OR1D2: variants seen among roughly 807,000 people sequenced by gnomAD.
The protein encoded by OR1D2 is olfactory receptor 1D2.
For missense variants in OR1D2, 357 were observed against 376.1 expected, an observed-to-expected ratio of 0.95 and a Z score of 0.42; for synonymous variants, 157 against 153.9, an observed-to-expected ratio of 1.02 and a Z score of -0.15.
intron 1 of OR1D2, among the ~76,000 whole-genome samples, chr17:3,102,686 C>G (rs1197573161): frequency 6.6e-6 from 1 of 152,080 alleles, no homozygotes. Flanking sequence ...GGATGGAGGA[C>G]AGCAATAATG....
chr17:3,093,738 CA>C (rs1166721474), intron 1 of OR1D2, among the ~76,000 whole-genome samples: 5 of 152,128 alleles, frequency 3.3e-5, no homozygotes, highest in Non-Finnish European at 7.4e-5. Flanking sequence ...CCACTGTCAA[CA>C]AATAAATCAT....
intron 1 of OR1D2, among the ~76,000 whole-genome samples, chr17:3,101,777 T>C (rs1239436032): frequency 1.3e-5 from 2 of 152,150 alleles, no homozygotes; most frequent in African/African-American, 4.8e-5. Context: ...CCCCATCATT[T>C]CCACCCCAAA....
chr17:3,101,320 C>T (rs1203090774), intron 1 of OR1D2, among the ~76,000 whole-genome samples: 1 of 152,122 alleles, frequency 6.6e-6, no homozygotes, highest in Non-Finnish European at 1.5e-5. Context: ...AAAGCTTATC[C>T]ACCACGATTA....
At position 3,099,752 on chromosome 17, in the gene OR1D2, C is replaced by A. The variant is rs1453612356; in HGVS notation, c.-51+4347G>T. Among the ~76,000 whole-genome samples the A allele has an allele frequency of 2.6e-5, 4 of 152,116 alleles. 1 individual carries two copies. The highest frequency in any genetic ancestry group is 9.7e-5 in the African/African-American group (4 of 41,410). On this transcript the variant is annotated intron_variant, in intron 1 of 1. Transcript: ENST00000641833. ...CCAATTTGGATAAAGAGTCAAGACC[C>A]ATCAGAGTGCTGTATTCAGGAGACC...
chr17:3,093,073 A>G (rs2047825968), intron 1 of OR1D2, 27 bp from the exon 2 acceptor site: 3 of 1,313,840 alleles, frequency 2.3e-6, no homozygotes, highest in Non-Finnish European at 3.2e-6. Flanking sequence ...CATGAAGATA[A>G]GCAAAATCAA....
intron 1 of OR1D2, among the ~76,000 whole-genome samples, chr17:3,100,846 C>T (rs1177773847): frequency 1.3e-5 from 2 of 152,034 alleles, no homozygotes; most frequent in East Asian, 1.9e-4. Context: ...GGGATATCAC[C>T]ACTTATCCAC....
chr17:3,098,375 G>A (rs148655408), intron 1 of OR1D2, among the ~76,000 whole-genome samples: 24 of 152,184 alleles, frequency 1.6e-4, no homozygotes, highest in African/African-American at 5.5e-4. Context: ...GCACAGCAGC[G>A]AACCAGATGA....
At chr17:3,093,995 T>G (rs984371557) in intron 1 of OR1D2, among the ~76,000 whole-genome samples, 1 of 152,134 alleles carries the variant, frequency 6.6e-6, no homozygotes, top group African/African-American at 2.4e-5. Context: ...AGAAAAACAT[T>G]GAATAAAAGA....
At chr17:3,098,406 C>G (rs2047857479) in intron 1 of OR1D2, among the ~76,000 whole-genome samples, 1 of 152,054 alleles carries the variant, frequency 6.6e-6, no homozygotes, top group Admixed American at 6.6e-5. Context: ...TAATGAGCCC[C>G]CAGGCCTACT....
Position 3,088,644 on chromosome 17 carries a change from G to A in OR1D2, c.*3414C>T. On this transcript the variant is annotated 3_prime_UTR_variant, in exon 2 of 2. Transcript: ENST00000641833. ...AGCAGGGGGTACGTGACTGGGGGCT[G>A]CATGCACCAGTAATCAGAACAAAAC... 1 of 155,058 alleles carries A rather than the reference G, an allele frequency of 6.4e-6. No individual in the cohort carries two copies. 9.6% of individuals were successfully genotyped at this position (155,058 alleles called of 1,614,324 possible). A position where few individuals can be genotyped will look rare whatever the true frequency, so the allele number is the denominator to read the frequency against.
chr17:3,097,474 G>C (rs1046073452), intron 1 of OR1D2, among the ~76,000 whole-genome samples: 1 of 152,100 alleles, frequency 6.6e-6, no homozygotes, highest in African/African-American at 2.4e-5. Context: ...CCAAGCCAAG[G>C]GAGGTGGTGA....
At position 3,091,624 on chromosome 17, in the gene OR1D2, G is replaced by A. The variant is rs78759823; in HGVS notation, c.*434C>T. The A allele has an allele frequency of 0.022, 3,724 of 167,688 alleles. 155 individuals are homozygous for A. Among genetic ancestry groups the A allele is most frequent in the African/African-American group, 0.082 (3,412 of 41,744 alleles). The allele number at this position is 167,688 out of a possible 1,614,324, so 10.4% of individuals were successfully genotyped here. A position where few individuals can be genotyped will look rare whatever the true frequency, so the allele number is the denominator to read the frequency against. On this transcript the variant is annotated 3_prime_UTR_variant, in exon 2 of 2. Coordinates refer to ENST00000641833, the MANE Select transcript of OR1D2 (RefSeq NM_002548.3). ...CACCACCTGTCGAGGTCTATATCAC[G>A]TGCTGGATCAGCTGATACAAATATG...
At chr17:3,095,238 A>C (rs7215883) in intron 1 of OR1D2, among the ~76,000 whole-genome samples, 1 of 152,134 alleles carries the variant, frequency 6.6e-6, no homozygotes, top group Admixed American at 6.5e-5. Context: ...GGCAGAGACA[A>C]GGAGAAAATC....
rs962509636 is a variant in OR1D2, at chr17:3,089,460, T to A, written c.*2598A>T. Reference sequence around the variant, plus strand: ...GGTCCTTGGTTGAAGTTTTGTTTAGTGTACTAGTTGGCCTCCAGCCAAGAG... The same window carrying A: ...GGTCCTTGGTTGAAGTTTTGTTTAGAGTACTAGTTGGCCTCCAGCCAAGAG... On this transcript the variant is annotated 3_prime_UTR_variant, in exon 2 of 2. Transcript: ENST00000641833. 3 of 152,224 alleles carry A rather than the reference T, an allele frequency of 2.0e-5. No individual in the cohort carries two copies. Among genetic ancestry groups the A allele is most frequent in the Admixed American group, 2.0e-4 (3 of 15,280 alleles). The allele number at this position is 152,224 out of a possible 1,614,324, so 9.4% of individuals were successfully genotyped here.
intron 1 of OR1D2, among the ~76,000 whole-genome samples, chr17:3,100,934 A>G (rs2047872407): frequency 6.6e-6 from 1 of 152,196 alleles, no homozygotes; most frequent in Non-Finnish European, 1.5e-5. Context: ...GAAATGAATA[A>G]ACTCCTGGAC....
chr17:3,092,238 C>T lies in OR1D2; in HGVS notation c.759G>A (p.Gly253=). 6.2e-7 allele frequency: 1 copy of T among 1,614,118 alleles called. No individual in the cohort carries two copies. Among genetic ancestry groups the T allele is most frequent in the Non-Finnish European group, 8.5e-7 (1 of 1,180,010 alleles). ...SHLGAVSLFY[G]TLCMVYLKPL... is the part of the protein sequence containing the mutation. ...GCTTTAGGTATACCATACAAAGTGT[C>T]CCATAGAAGAGGGAGACTGCACCCA... Residue 253 remains glycine (G), a synonymous_variant, in exon 2 of 2, where the codon GGG becomes GGA. Transcript: ENST00000641833.
At chr17:3,099,204 T>C (rs1179643246) in intron 1 of OR1D2, among the ~76,000 whole-genome samples, 1 of 151,900 alleles carries the variant, frequency 6.6e-6, no homozygotes, top group Admixed American at 6.6e-5. Flanking sequence ...CATGAGAAGA[T>C]CAACCCCAAG....
chr17:3,095,047 A>G (rs1446484034), intron 1 of OR1D2, among the ~76,000 whole-genome samples: 1 of 152,158 alleles, frequency 6.6e-6, no homozygotes, highest in Non-Finnish European at 1.5e-5. Flanking sequence ...ACCAGCACAC[A>G]TGGAATGCAA....
Position 3,091,902 on chromosome 17 carries a change from G to A in OR1D2, c.*156C>T. 1 of 619,000 alleles carries A rather than the reference G, an allele frequency of 1.6e-6. No individual in the cohort carries two copies. Among genetic ancestry groups the A allele is most frequent in the East Asian group, 2.8e-5 (1 of 35,944 alleles). 38.3% of individuals were successfully genotyped at this position (619,000 alleles called of 1,614,324 possible). A position where few individuals can be genotyped will look rare whatever the true frequency, so the allele number is the denominator to read the frequency against. ...GCTGATGAGACCTGGGGGACACCAG[G>A]TTACAAATATGTCTTTTTTATCACC... On this transcript the variant is annotated 3_prime_UTR_variant, in exon 2 of 2. Coordinates refer to ENST00000641833, the MANE Select transcript of OR1D2 (RefSeq NM_002548.3).
Sources: gnomAD v4.1 joint callset for allele counts (sites outside exome capture counted in the v4.1 genomes callset) on GRCh38, gnomAD v4.1.1 for gene constraint, MANE v1.5 for transcripts, NCBI Gene and HGNC (gene_info 2026-07-23, HGNC 2026-07-21) for gene names.